The following PVT1 variants were observed in gnomAD, a reference collection of about 807,000 sequenced individuals.
PVT1 encodes CXCR4/PVT1 fusion.
intron 5 of PVT1, among the ~76,000 whole-genome samples, chr8:128,077,985 G>C (rs1814112982): frequency 6.6e-6 from 1 of 152,222 alleles, no homozygotes; most frequent in Non-Finnish European, 1.5e-5. Flanking sequence ...AGAATGGGCA[G>C]AGAGGGGTCG....
At chr8:127,918,775 G>T (rs1036385791) in intron 3 of PVT1, among the ~76,000 whole-genome samples, 2 of 152,192 alleles carry the variant, frequency 1.3e-5, no homozygotes, top group Non-Finnish European at 2.9e-5. Context: ...CATTTGTAAT[G>T]CAGTGAGCAA....
At chr8:127,999,576 G>A (rs189225291) in intron 4 of PVT1, among the ~76,000 whole-genome samples, 131 of 151,736 alleles carry the variant, frequency 8.6e-4, no homozygotes, top group African/African-American at 2.9e-3. Flanking sequence ...ATCCTCCTGC[G>A]TCAGCCTCCC....
intron 3 of PVT1, among the ~76,000 whole-genome samples, chr8:127,949,640 TCA>T (rs1816479311): frequency 1.3e-5 from 2 of 152,030 alleles, no homozygotes; most frequent in East Asian, 3.9e-4. Context: ...CTAACACCTC[TCA>T]CATGGTTAAA....
At chr8:127,893,833 G>A (rs150514266) in intron 3 of PVT1, among the ~76,000 whole-genome samples, 322 of 152,342 alleles carry the variant, frequency 2.1e-3, no homozygotes, top group African/African-American at 7.3e-3. Flanking sequence ...ACTCTGGGAT[G>A]ACAGGTGTAT....
At chr8:128,050,390 C>G (rs1383857638) in intron 4 of PVT1, among the ~76,000 whole-genome samples, 2 of 152,202 alleles carry the variant, frequency 1.3e-5, no homozygotes, top group East Asian at 3.8e-4. Flanking sequence ...GGCTTGAAGT[C>G]AGACCTCTCA....
chr8:127,921,852 A>ATTTTTTTTTTTTTTTT (rs1816062657), intron 3 of PVT1, among the ~76,000 whole-genome samples: 2 of 82,014 alleles, frequency 2.4e-5, no homozygotes. Flanking sequence ...TTTTTGGTTC[A>ATTTTTTTTTTTTTTTT]TGTTTTTTTT....
intron 2 of PVT1, among the ~76,000 whole-genome samples, chr8:127,857,228 A>AAAT (rs1037061933): frequency 1.3e-5 from 2 of 152,176 alleles, no homozygotes; most frequent in South Asian, 2.1e-4. Flanking sequence ...TCTGCCTAAA[A>AAAT]AATAATAATA....
chr8:127,937,608 G>GAGAC (rs1554598582), intron 3 of PVT1, among the ~76,000 whole-genome samples: 3 of 149,094 alleles, frequency 2.0e-5, no homozygotes, highest in African/African-American at 7.5e-5. Context: ...GAGAGAGAGA[G>GAGAC]ACCAACGTGG....
intron 4 of PVT1, among the ~76,000 whole-genome samples, chr8:128,027,595 A>G (rs1813326912): frequency 6.6e-6 from 1 of 152,148 alleles, no homozygotes; most frequent in Non-Finnish European, 1.5e-5. Context: ...CATCGTGTCT[A>G]TGCTCTGTGC....
At chr8:127,982,651 ATAATTAAT>A (rs35546489) in intron 3 of PVT1, among the ~76,000 whole-genome samples, 245 of 146,066 alleles carry the variant, frequency 1.7e-3, no homozygotes, top group Middle Eastern at 0.01. Flanking sequence ...CTCTACAAAA[ATAATTAAT>A]TAATTAATTA....
At chr8:127,878,507 T>C (rs536270867) in intron 2 of PVT1, among the ~76,000 whole-genome samples, 48 of 152,302 alleles carry the variant, frequency 3.2e-4, no homozygotes, top group Middle Eastern at 6.8e-3. Flanking sequence ...CTCTGAAGCG[T>C]TGGTTATTGC....
At chr8:127,929,533 G>A (rs1292362258) in intron 3 of PVT1, among the ~76,000 whole-genome samples, 1 of 152,182 alleles carries the variant, frequency 6.6e-6, no homozygotes, top group Non-Finnish European at 1.5e-5. Flanking sequence ...TTGGGAGGCC[G>A]AGGCAGGCGG....
intron 5 of PVT1, among the ~76,000 whole-genome samples, chr8:128,072,981 G>A (rs1311235606): frequency 1.3e-5 from 2 of 151,954 alleles, no homozygotes; most frequent in African/African-American, 2.4e-5. Context: ...TTACAGTTGT[G>A]CGCCACCATG....
chr8:128,076,292 G>A (rs1814089423), intron 5 of PVT1, among the ~76,000 whole-genome samples: 1 of 152,266 alleles, frequency 6.6e-6, no homozygotes, highest in East Asian at 1.9e-4. Context: ...CACCAGGATT[G>A]ACATAAAGAA....
chr8:127,795,354 G>A (rs1460582104), intron 1 of PVT1, among the ~76,000 whole-genome samples: 1 of 152,184 alleles, frequency 6.6e-6, no homozygotes, highest in Non-Finnish European at 1.5e-5. Context: ...TCTGGGTGTA[G>A]ACTTTCAGGA....
chr8:127,998,543 C>T (rs889370405), intron 4 of PVT1, among the ~76,000 whole-genome samples: 1 of 149,478 alleles, frequency 6.7e-6, no homozygotes, highest in African/African-American at 2.5e-5. Context: ...CTTTCTCTCT[C>T]TCTCTCTCTC....
intron 4 of PVT1, among the ~76,000 whole-genome samples, chr8:127,997,044 G>A (rs1032767120): frequency 1.2e-5 from 1 of 81,594 alleles, no homozygotes; most frequent in Non-Finnish European, 2.2e-5. Context: ...ATTTGCTTTC[G>A]TTTTTTTTTT....
intron 5 of PVT1, among the ~76,000 whole-genome samples, chr8:128,071,719 T>TAAATAAATAAAG (rs1384028107): frequency 6.6e-6 from 1 of 150,530 alleles, no homozygotes; most frequent in African/African-American, 2.4e-5. Context: ...AATAAATAAA[T>TAAATAAATAAAG]AAAAATAAAA....
intron 2 of PVT1, among the ~76,000 whole-genome samples, chr8:127,800,347 C>T (rs1814449325): frequency 6.6e-6 from 1 of 152,134 alleles, no homozygotes; most frequent in South Asian, 2.1e-4. Context: ...AATCCCTGCC[C>T]TCCTGAAGCT....
Sources: gnomAD v4.1 joint callset for allele counts (sites outside exome capture counted in the v4.1 genomes callset) on GRCh38, gnomAD v4.1.1 for gene constraint, MANE v1.5 for transcripts, NCBI Gene and HGNC (gene_info 2026-07-23, HGNC 2026-07-21) for gene names.